HPSE: variants seen among roughly 807,000 people sequenced by gnomAD.
HPSE encodes the protein endo-glucoronidase.
A neutral mutation model predicts 65.1 loss-of-function variants in HPSE; 48 were observed. That is an observed-to-expected ratio of 0.74 (90% CI 0.58 to 0.94). The LOEUF (loss-of-function observed/expected upper bound fraction) is 0.94, where lower values mean the gene tolerates loss of function less well. Among genes scored for constraint, HPSE ranks in the 40% least tolerant of loss-of-function variants. The pLI is 0.00. For synonymous variants in HPSE, 243 were observed against 260.0 expected (o/e 0.93, Z 0.63); for missense variants, 644 against 637.5 (o/e 1.01, Z -0.11).
At chr4:83,325,648 T>C (rs1219038686) in intron 1 of HPSE, among the ~76,000 whole-genome samples, 1 of 152,178 alleles carries the variant, frequency 6.6e-6, no homozygotes, top group Non-Finnish European at 1.5e-5. Flanking sequence ...AGTTTAGTGA[T>C]AGATACGAAC....
rs1735608301 is a variant in HPSE at position 83,293,137 on chromosome 4, A to G, written c.*2207T>C. ...CAGAACTGCAGTGTTCAGTTTGTAG[A>G]CTGACCAACACCCTCTCCATTCCAA... On this transcript the variant is annotated 3_prime_UTR_variant, in exon 12 of 12. Coordinates refer to ENST00000311412, the MANE Select transcript of HPSE (RefSeq NM_001098540.3). 6.6e-6 allele frequency: 1 copy of G among 152,212 alleles called. No individual in the cohort carries two copies. Among genetic ancestry groups the G allele is most frequent in the Non-Finnish European group, 1.5e-5 (1 of 68,032 alleles). 9.4% of individuals were successfully genotyped at this position (152,212 alleles called of 1,614,324 possible).
chr4:83,324,160 C>G (rs1737044701), intron 1 of HPSE, among the ~76,000 whole-genome samples: 1 of 107,724 alleles, frequency 9.3e-6, no homozygotes, highest in Non-Finnish European at 1.7e-5. Flanking sequence ...TCATTCTCAT[C>G]ATCCAGGCTG....
intron 1 of HPSE, among the ~76,000 whole-genome samples, chr4:83,331,423 G>T (rs1578030651): frequency 6.6e-6 from 1 of 151,942 alleles, no homozygotes; most frequent in Non-Finnish European, 1.5e-5. Flanking sequence ...ATGGCTACTA[G>T]AAAATTTAAA....
Position 83,305,615 on chromosome 4 carries a change from C to A in HPSE, c.1206+588G>T, listed in dbSNP as rs77303020. The stretch of plus-strand genomic sequence containing the variant: ...AGGGCTACATCTGTATTATCCCTGA[C>A]ATATATTTAGACATACAGATCTTCC... On this transcript the variant is annotated intron_variant, in intron 9 of 11. Coordinates refer to ENST00000311412, the MANE Select transcript of HPSE (RefSeq NM_001098540.3). Among the ~76,000 whole-genome samples, 878 of 152,274 alleles carry A rather than the reference C, an allele frequency of 5.8e-3. 10 individuals carry two copies. The highest frequency in any genetic ancestry group is 0.02 in the African/African-American group (824 of 41,550).
In HPSE at chr4:83,313,253, G is replaced by T; in HGVS notation, c.534C>A (p.Asn178Lys). Residue 178 changes from asparagine to lysine, a missense_variant, in exon 4 of 12, where the codon AAC becomes AAA. Physicochemically the swap from Asn to Lys is moderately conservative, Grantham distance 94 (BLOSUM62 0). Transcript: ENST00000311412. ...CAAAGATCAAGTCCAGTCCTGAGCAGTTTGCAAAAGTGTATAGCACATCTA... is the reference window on the plus strand; with the variant it reads ...CAAAGATCAAGTCCAGTCCTGAGCATTTTGCAAAAGTGTATAGCACATCTA... ...SSVDVLYTFA[N>K]CSGLDLIFGL... is the part of the protein sequence containing the mutation. 1 of 1,613,708 alleles carries T rather than the reference G, an allele frequency of 6.2e-7. No homozygotes were observed. The highest frequency in any genetic ancestry group is 8.5e-7 in the Non-Finnish European group (1 of 1,179,844).
intron 9 of HPSE, among the ~76,000 whole-genome samples, chr4:83,305,427 C>T (rs1331828326): frequency 1.3e-5 from 2 of 152,192 alleles, no homozygotes; most frequent in African/African-American, 4.8e-5. Context: ...GTTGGGAAGT[C>T]TATCCACAAA....
intron 1 of HPSE, among the ~76,000 whole-genome samples, chr4:83,329,071 G>C (rs1278214961): frequency 6.6e-6 from 1 of 152,134 alleles, no homozygotes; most frequent in Non-Finnish European, 1.5e-5. Flanking sequence ...TTAAAAAGTA[G>C]AGAATGTGAA....
chr4:83,295,454 A>T lies in HPSE; in HGVS notation c.1522T>A (p.Leu508Met), dbSNP rs1339277017. Reference sequence around the variant, plus strand: ...AGAGGTTTTTCCATTAAAGGTGGCAAGGTTTGATCATCCACCATCTTTAGA... The same window carrying T: ...AGAGGTTTTTCCATTAAAGGTGGCATGGTTTGATCATCCACCATCTTTAGA... ...LTLKMVDDQT[L>M]PPLMEKPLRP... Residue 508 changes from leucine (L) to methionine (M), a missense_variant, in exon 12 of 12, where the codon TTG becomes ATG. Leu to Met is a conservative substitution (Grantham distance 15). Coordinates refer to ENST00000311412, the MANE Select transcript of HPSE (RefSeq NM_001098540.3). 6.2e-7 allele frequency: 1 copy of T among 1,613,004 alleles called. No individual in the cohort carries two copies. Among genetic ancestry groups the T allele is most frequent in the Non-Finnish European group, 8.5e-7 (1 of 1,179,264 alleles).
At chr4:83,323,072 A>AGG (rs1391615112) in intron 1 of HPSE, among the ~76,000 whole-genome samples, 1 of 152,084 alleles carries the variant, frequency 6.6e-6, no homozygotes, top group Admixed American at 6.6e-5. Flanking sequence ...ATAGAAACTA[A>AGG]GGGAAAGACA....
chr4:83,313,144 C>G lies in HPSE; in HGVS notation c.643G>C (p.Gly215Arg), dbSNP rs1379818545. 1 of 1,613,716 alleles carries G rather than the reference C, an allele frequency of 6.2e-7. No homozygotes were observed. The highest frequency in any genetic ancestry group is 8.5e-7 in the Non-Finnish European group (1 of 1,179,688). ...CCTAGTTCCCAAGAAATGTTATACC[C>G]CTTGGAAGAGCAGTAGTCCAGGAGC... is the stretch of plus-strand genomic sequence containing the variant. Reference protein sequence around the residue: ...QLLLDYCSSKGYNISWELGNE... With the variant: ...QLLLDYCSSKRYNISWELGNE... The change falls in exon 4 of 12, where the codon GGG becomes CGG. Residue 215 changes from glycine (G) to arginine (R), a missense_variant. Transcript: ENST00000311412.
Position 83,301,107 on chromosome 4 carries a change from C to G in HPSE, c.1326-1G>C, listed in dbSNP as rs748423163. On this transcript the variant is annotated splice_acceptor_variant, in intron 10 of 11. Coordinates refer to ENST00000311412, the MANE Select transcript of HPSE (RefSeq NM_001098540.3). LOFTEE classifies it high-confidence loss of function. ...TAAATCTCCTTCTTTATACCTTGGA[C>G]TAAAAGCAAAGAGGTTAACTTAATA... 1 of 1,566,300 alleles carries G rather than the reference C, an allele frequency of 6.4e-7. No homozygotes were observed. Among genetic ancestry groups the G allele is most frequent in the Admixed American group, 2.0e-5 (1 of 50,320 alleles).
intron 3 of HPSE, among the ~76,000 whole-genome samples, chr4:83,313,976 G>A (rs1462039662): frequency 6.6e-6 from 1 of 152,170 alleles, no homozygotes; most frequent in Non-Finnish European, 1.5e-5. Context: ...ACAGGGGCCA[G>A]GTGCAGTGGC....
rs377621352 is a variant in HPSE, at chr4:83,298,481, T to TA, written c.1472+2478dup. Among the ~76,000 whole-genome samples the TA allele has an allele frequency of 5.7e-3, 863 of 150,888 alleles. 12 individuals carry two copies. The highest frequency in any genetic ancestry group is 0.02 in the African/African-American group (806 of 40,978). On this transcript the variant is annotated intron_variant, in intron 11 of 11. Coordinates refer to ENST00000311412, the MANE Select transcript of HPSE (RefSeq NM_001098540.3). ...GTGAGACCTTGTCTCTATTTTTTTT[T>TA]AAAAAAAAACAGATGTTCATTTAAA...
At chr4:83,298,328 C>T (rs942514614) in intron 11 of HPSE, among the ~76,000 whole-genome samples, 5 of 152,078 alleles carry the variant, frequency 3.3e-5, no homozygotes, top group South Asian at 2.1e-4. Flanking sequence ...TAAAATACGG[C>T]CTTTATGTTA....
At chr4:83,316,134 C>T (rs1736625433) in intron 3 of HPSE, among the ~76,000 whole-genome samples, 1 of 151,910 alleles carries the variant, frequency 6.6e-6, no homozygotes. Context: ...TCAAGTGATT[C>T]TCCTGCCTCC....
rs544770768 is a variant in HPSE at position 83,306,041 on chromosome 4, A to C, written c.1206+162T>G. Among the ~76,000 whole-genome samples the C allele has an allele frequency of 4.1e-4, 62 of 152,318 alleles. No homozygotes were observed. In the South Asian group the frequency reaches 5.4e-3, roughly 13 times the overall value. On this transcript the variant is annotated intron_variant, in intron 9 of 11. Transcript: ENST00000311412. The stretch of plus-strand genomic sequence containing the variant: ...TTGATTTCTTCTCTTCAAACACACA[A>C]AAAAATGTTAGATTGGATGCTATCT...
At chr4:83,312,840 G>GA (rs1736455255) in intron 4 of HPSE, among the ~76,000 whole-genome samples, 1 of 13,260 alleles carries the variant, frequency 7.5e-5, no homozygotes, top group Non-Finnish European at 1.4e-4. Flanking sequence ...TACTAAAAAT[G>GA]CAAAAAAAAA....
Position 83,319,420 on chromosome 4 carries a change from C to T in HPSE, c.423G>A (p.Arg141=). Residue 141 remains arginine (R), a synonymous_variant, in exon 3 of 12, where the codon CGG becomes CGA. Transcript: ENST00000311412. Reference sequence around the variant, plus strand: ...ATTGCTCCTGGTAGGGCCATTCCAACCGTAACTTCTCCTCCACATCAGGAG... The same window carrying T: ...ATTGCTCCTGGTAGGGCCATTCCAATCGTAACTTCTCCTCCACATCAGGAG... ...SIPPDVEEKL[R]LEWPYQEQLL... 1 of 1,613,902 alleles carries T rather than the reference C, an allele frequency of 6.2e-7. No individual in the cohort carries two copies.
chr4:83,314,465 A>G (rs1736550376), intron 3 of HPSE, among the ~76,000 whole-genome samples: 2 of 152,148 alleles, frequency 1.3e-5, no homozygotes, highest in South Asian at 4.1e-4. Context: ...GGTTGTGTAG[A>G]CCTTACAATT....
Sources: gnomAD v4.1 joint callset for allele counts (sites outside exome capture counted in the v4.1 genomes callset) on GRCh38, gnomAD v4.1.1 for gene constraint, MANE v1.5 for transcripts, NCBI Gene and HGNC (gene_info 2026-07-23, HGNC 2026-07-21) for gene names.